RNLS: variants seen among roughly 807,000 people sequenced by gnomAD.
RNLS encodes the protein renalase.
Under a neutral mutation model 39.8 loss-of-function variants are expected in RNLS, and 39 were observed. The observed-to-expected ratio is 0.98, with a 90% CI of 0.76 to 1.28. RNLS has a LOEUF of 1.28. RNLS is among the 50% of genes most tolerant of loss of function. RNLS has a pLI of 0.00. For missense variants in RNLS, 410 were observed against 413.3 expected (o/e 0.99, Z 0.07); for synonymous variants, 147 against 150.7 (o/e 0.98, Z 0.18).
chr10:88,575,005 A>G (rs1237409550), intron 3 of RNLS, among the ~76,000 whole-genome samples: 1 of 151,318 alleles, frequency 6.6e-6, no homozygotes, highest in African/African-American at 2.4e-5. Flanking sequence ...ATATGCTGTT[A>G]TTGTTGGTGG....
At chr10:88,500,829 A>G (rs1040585210) in intron 4 of RNLS, among the ~76,000 whole-genome samples, 4 of 152,232 alleles carry the variant, frequency 2.6e-5, no homozygotes, top group Admixed American at 6.6e-5. Flanking sequence ...CTCACAAGTA[A>G]TGTAGTAGTG....
Position 88,443,907 on chromosome 10 carries a change from C to G in RNLS, c.527-81182G>C, listed in dbSNP as rs576058662. ...TCCACCTCTCGGGGCAGGGCATAGC[C>G]GAACAAAAGGCAGCAGAAACCTCTG... On this transcript the variant is annotated intron_variant, in intron 4 of 6. Transcript: ENST00000331772. Among the ~76,000 whole-genome samples, 15 of 152,336 alleles carry G rather than the reference C, an allele frequency of 9.8e-5. No homozygotes were observed. In the South Asian group the frequency reaches 3.1e-3, roughly 32 times the overall value.
At chr10:88,268,462 C>G in the RNLS span, among the ~76,000 whole-genome samples, 10 of 152,158 alleles carry the variant, frequency 6.6e-5, no homozygotes, top group African/African-American at 2.4e-4. Flanking sequence ...TGCAATAGGA[C>G]CATGTGGGAG....
intron 5 of RNLS, among the ~76,000 whole-genome samples, chr10:88,338,406 C>T (rs144045062): frequency 6.6e-6 from 1 of 152,338 alleles, no homozygotes; most frequent in East Asian, 1.9e-4. Flanking sequence ...AGCTCTGCTA[C>T]TATCTAACGG....
intron 4 of RNLS, among the ~76,000 whole-genome samples, chr10:88,363,738 G>T (rs1272068350): frequency 6.6e-6 from 1 of 152,096 alleles, no homozygotes; most frequent in African/African-American, 2.4e-5. Flanking sequence ...GAAAAGCCTG[G>T]AAAAGGAATT....
intron 4 of RNLS, among the ~76,000 whole-genome samples, chr10:88,489,646 A>T (rs551395292): frequency 4.6e-5 from 7 of 152,334 alleles, no homozygotes; most frequent in African/African-American, 1.7e-4. Context: ...TCACAAGAAC[A>T]GATACCTCCT....
intron 4 of RNLS, among the ~76,000 whole-genome samples, chr10:88,472,998 A>C (rs553639708): frequency 6.6e-6 from 1 of 152,338 alleles, no homozygotes; most frequent in East Asian, 1.9e-4. Flanking sequence ...CAAACATCAT[A>C]GAGTGTACTA....
chr10:88,510,933 T>A (rs1329663835), intron 4 of RNLS, among the ~76,000 whole-genome samples: 1 of 150,916 alleles, frequency 6.6e-6, no homozygotes, highest in East Asian at 1.9e-4. Flanking sequence ...GTATTACCTT[T>A]TTTTAAAGCC....
At chr10:88,203,163 C>T in the RNLS span, among the ~76,000 whole-genome samples, 6 of 143,970 alleles carry the variant, frequency 4.2e-5, no homozygotes, top group Non-Finnish European at 7.5e-5. Context: ...TTATGCTCAG[C>T]GAGATAGTTG....
chr10:88,381,023 T>C (rs1851450041), intron 4 of RNLS, among the ~76,000 whole-genome samples: 1 of 152,318 alleles, frequency 6.6e-6, no homozygotes, highest in East Asian at 1.9e-4. Flanking sequence ...AAAAGTGCCA[T>C]TTTATTTTAA....
At chr10:88,439,522 TA>T (rs1841594666) in intron 4 of RNLS, among the ~76,000 whole-genome samples, 1 of 152,160 alleles carries the variant, frequency 6.6e-6, no homozygotes, top group South Asian at 2.1e-4. Context: ...GCACAAACTT[TA>T]AAAAGGAATA....
chr10:88,582,349 G>A (rs756454856), intron 1 of RNLS, 42 bp from the exon 2 acceptor site: 7 of 1,509,826 alleles, frequency 4.6e-6, no homozygotes, highest in South Asian at 1.2e-5. Context: ...GCATGACAAT[G>A]AGCCTTAGCA....
chr10:88,368,599 T>G (rs1304625744), intron 4 of RNLS, among the ~76,000 whole-genome samples: 1 of 152,270 alleles, frequency 6.6e-6, no homozygotes, highest in East Asian at 1.9e-4. Context: ...TAATTTTGCG[T>G]ACCGAATTTC....
intron 4 of RNLS, among the ~76,000 whole-genome samples, chr10:88,497,016 A>G (rs930130606): frequency 2.0e-5 from 3 of 152,136 alleles, no homozygotes; most frequent in African/African-American, 7.2e-5. Flanking sequence ...AATGAAAGAA[A>G]AGAGAAAAAT....
At chr10:88,344,778 A>C (rs1848196956) in intron 5 of RNLS, among the ~76,000 whole-genome samples, 1 of 152,104 alleles carries the variant, frequency 6.6e-6, no homozygotes, top group Non-Finnish European at 1.5e-5. Context: ...TTTAAATTCA[A>C]GGATGCTTCA....
At chr10:88,557,283 T>C (rs1251195294) in intron 4 of RNLS, among the ~76,000 whole-genome samples, 2 of 152,230 alleles carry the variant, frequency 1.3e-5, no homozygotes, top group East Asian at 3.9e-4. Context: ...TTAGGAGAGA[T>C]CAACATTTAA....
At chr10:88,265,068 C>T in the RNLS span, among the ~76,000 whole-genome samples, 3,673 of 152,260 alleles carry the variant, frequency 0.024, 161 homozygotes, top group African/African-American at 0.084. Context: ...TGCCAATTAG[C>T]CCAGCACCAT....
chr10:88,279,469 G>T (rs996414230), downstream of RNLS, among the ~76,000 whole-genome samples: 2 of 152,000 alleles, frequency 1.3e-5, no homozygotes, highest in African/African-American at 4.8e-5. Context: ...AGGGCCCTGC[G>T]GCTCGAGACA....
At chr10:88,220,484 T>A in the RNLS span, among the ~76,000 whole-genome samples, 60 of 152,342 alleles carry the variant, frequency 3.9e-4, no homozygotes, top group African/African-American at 1.4e-3. Context: ...ATAACTTTAT[T>A]ATTAAATGAC....
Sources: allele counts gnomAD v4.1 joint callset (sites outside exome capture counted in the v4.1 genomes callset), GRCh38; gene constraint gnomAD v4.1.1; transcripts MANE v1.5; gene names NCBI Gene and HGNC (gene_info 2026-07-23, HGNC 2026-07-21).